Variants in ADAM12 observed in about 807,000 individuals in gnomAD.
ADAM12 encodes ADAM metallopeptidase domain 12, also known as disintegrin and metalloproteinase domain-containing protein 12.
In ADAM12, 70 loss-of-function variants were observed where a neutral mutation model predicts 106.4. The ratio of observed to expected loss-of-function variants is 0.66; its 90% CI spans 0.54 to 0.80. The LOEUF is 0.80. Among genes scored for constraint, ADAM12 ranks in the 30% least tolerant of loss-of-function variants. The probability of loss-of-function intolerance (pLI) is 0.00; values close to 1 mark genes in which losing one functional copy is unlikely to be tolerated. For missense variants in ADAM12, 1,010 were observed against 1,171.9 expected (o/e 0.86, Z 2.02); for synonymous variants, 420 against 433.5 (o/e 0.97, Z 0.39).
chr10:126,324,082 G>T (rs780677638), intron 2 of ADAM12, among the ~76,000 whole-genome samples: 1 of 152,198 alleles, frequency 6.6e-6, no homozygotes. Context: ...CTTAAGTTGC[G>T]TCTCTGCAGC....
intron 14 of ADAM12, among the ~76,000 whole-genome samples, chr10:126,057,788 C>T (rs955934586): frequency 6.6e-6 from 1 of 152,182 alleles, no homozygotes; most frequent in African/African-American, 2.4e-5. Context: ...AGCAACAGCA[C>T]TTTGTGAAAA....
At position 126,098,000 on chromosome 10, in the gene ADAM12, C is replaced by T. The variant is rs577978683; in HGVS notation, c.996+416G>A. ...AAAGCTAAAAACCTCAGACTTTGGGCCATTGGGCTTGGAGACAGAACCATC... is the reference window on the plus strand; with the variant it reads ...AAAGCTAAAAACCTCAGACTTTGGGTCATTGGGCTTGGAGACAGAACCATC... On this transcript the variant is annotated intron_variant, in intron 10 of 22. Transcript: ENST00000448723. Among the ~76,000 whole-genome samples the T allele has an allele frequency of 3.2e-3, 486 of 152,300 alleles. 2 individuals carry two copies. Among genetic ancestry groups the T allele is most frequent in the African/African-American group, 0.011 (447 of 41,560 alleles).
intron 20 of ADAM12, among the ~76,000 whole-genome samples, chr10:126,036,672 T>G (rs1954066163): frequency 6.6e-6 from 1 of 151,644 alleles, no homozygotes; most frequent in Non-Finnish European, 1.5e-5. Flanking sequence ...AAAAGAGATG[T>G]GAAAATAAGA....
At chr10:126,112,003 A>G (rs1041424281) in intron 6 of ADAM12, among the ~76,000 whole-genome samples, 2 of 152,240 alleles carry the variant, frequency 1.3e-5, no homozygotes, top group African/African-American at 2.4e-5. Flanking sequence ...CCAAATGCCC[A>G]TCACTGATAG....
chr10:126,295,952 C>T (rs1475004300), intron 2 of ADAM12, among the ~76,000 whole-genome samples: 2 of 151,788 alleles, frequency 1.3e-5, no homozygotes, highest in African/African-American at 4.8e-5. Context: ...CACATAAACA[C>T]ACACACCCCA....
At chr10:126,350,273 T>C (rs1037800727) in intron 1 of ADAM12, among the ~76,000 whole-genome samples, 3 of 152,222 alleles carry the variant, frequency 2.0e-5, no homozygotes, top group Admixed American at 6.5e-5. Context: ...AATTGTCAAA[T>C]TGATTTTCTG....
At chr10:126,201,511 G>A (rs1454438279) in intron 3 of ADAM12, among the ~76,000 whole-genome samples, 4 of 152,150 alleles carry the variant, frequency 2.6e-5, no homozygotes, top group East Asian at 1.9e-4. Flanking sequence ...GGGAGGGAAC[G>A]TGGCCCTGCC....
intron 11 of ADAM12, among the ~76,000 whole-genome samples, chr10:126,080,587 G>A (rs1955193188): frequency 6.6e-6 from 1 of 152,182 alleles, no homozygotes; most frequent in African/African-American, 2.4e-5. Flanking sequence ...AGCCGTGGCA[G>A]GGTGACTGTG....
chr10:126,265,391 G>C lies in ADAM12; in HGVS notation c.260+13524C>G, dbSNP rs1008606301. ...TTTTGCAGGACCCAAGGAAAGAACA[G>C]ATCTAGGCACTGATTGTTAATGGCC... On this transcript the variant is annotated intron_variant, in intron 3 of 22. Coordinates refer to ENST00000448723, the MANE Select transcript of ADAM12 (RefSeq NM_001288973.2). Among the ~76,000 whole-genome samples, 4 of 152,200 alleles carry C rather than the reference G, an allele frequency of 2.6e-5. No homozygotes were observed. In the South Asian group the frequency reaches 8.3e-4, roughly 32 times the overall value.
chr10:126,218,904 G>A (rs1240065893), intron 3 of ADAM12, among the ~76,000 whole-genome samples: 2 of 152,204 alleles, frequency 1.3e-5, no homozygotes, highest in Non-Finnish European at 2.9e-5. Context: ...TGATGCCAAT[G>A]CCTCCCTCCC....
intron 1 of ADAM12, among the ~76,000 whole-genome samples, chr10:126,355,239 T>G (rs553975400): frequency 3.5e-4 from 54 of 152,156 alleles, no homozygotes; most frequent in Non-Finnish European, 6.6e-4. Flanking sequence ...ATGACTAAAT[T>G]AAAAGCTATG....
At chr10:126,221,086 A>C (rs1488507486) in intron 3 of ADAM12, among the ~76,000 whole-genome samples, 2 of 152,236 alleles carry the variant, frequency 1.3e-5, no homozygotes, top group Non-Finnish European at 2.9e-5. Context: ...TATGAGGTAG[A>C]TTTAGAAGAG....
chr10:126,085,670 A>G (rs1179359024), intron 11 of ADAM12, among the ~76,000 whole-genome samples: 2 of 152,038 alleles, frequency 1.3e-5, no homozygotes, highest in Admixed American at 6.6e-5. Context: ...CCATCCGTCC[A>G]TCCATCCATC....
In ADAM12 at chr10:126,043,904, G is replaced by A. The variant is rs1954245064; in HGVS notation, c.1996-756C>T. On this transcript the variant is annotated intron_variant, in intron 17 of 22. Coordinates refer to ENST00000448723, the MANE Select transcript of ADAM12 (RefSeq NM_001288973.2). The surrounding 1 kb of genome is among the most constrained non-coding windows in gnomAD (Gnocchi z 4.1). ...ACGGCGGGAAAGGGAGACCAAGAAAGCCCGAGGAGGCTGTGCTTCACCCTT... is the reference window on the plus strand; with the variant it reads ...ACGGCGGGAAAGGGAGACCAAGAAAACCCGAGGAGGCTGTGCTTCACCCTT... Among the ~76,000 whole-genome samples the A allele has an allele frequency of 6.6e-6, 1 of 152,120 alleles. No homozygotes were observed. Among genetic ancestry groups the A allele is most frequent in the South Asian group, 2.1e-4 (1 of 4,826 alleles).
At chr10:126,242,921 G>T (rs907240764) in intron 3 of ADAM12, among the ~76,000 whole-genome samples, 4 of 152,118 alleles carry the variant, frequency 2.6e-5, no homozygotes, top group Non-Finnish European at 4.4e-5. Flanking sequence ...TCCATTCTCC[G>T]CATTAAAACT....
chr10:126,138,749 A>G (rs557273458), intron 4 of ADAM12, among the ~76,000 whole-genome samples: 1 of 151,298 alleles, frequency 6.6e-6, no homozygotes, highest in South Asian at 2.1e-4. Context: ...TTCTTTGGCT[A>G]CTTACACTTC....
intron 3 of ADAM12, among the ~76,000 whole-genome samples, chr10:126,258,310 T>C (rs997453114): frequency 3.0e-4 from 45 of 152,152 alleles, no homozygotes; most frequent in Non-Finnish European, 2.4e-4. Flanking sequence ...TTCACCTGCA[T>C]CTAAATGTCT....
At chr10:126,151,187 A>G (rs1025216546) in intron 4 of ADAM12, among the ~76,000 whole-genome samples, 2 of 152,176 alleles carry the variant, frequency 1.3e-5, no homozygotes, top group African/African-American at 2.4e-5. Context: ...TGAATTTTAC[A>G]TGGCATCACC....
At chr10:126,378,580 G>A (rs151154353) in intron 1 of ADAM12, among the ~76,000 whole-genome samples, 21 of 152,248 alleles carry the variant, frequency 1.4e-4, no homozygotes, top group Non-Finnish European at 2.9e-4. Context: ...ATGTGTGTGT[G>A]TACACACACA....
Sources: gnomAD v4.1 joint callset for allele counts (sites outside exome capture counted in the v4.1 genomes callset) on GRCh38, gnomAD v4.1.1 for gene constraint, Gnocchi (gnomAD v3.1) non-coding constraint, MANE v1.5 for transcripts, NCBI Gene and HGNC (gene_info 2026-07-23, HGNC 2026-07-21) for gene names.